The following CLNK variants were observed in gnomAD, a reference collection of about 807,000 sequenced individuals.
CLNK encodes cytokine dependent hematopoietic cell linker.
Under a neutral mutation model 68.6 loss-of-function variants are expected in CLNK, and 74 were observed. The observed-to-expected ratio is 1.08, with a 90% CI of 0.89 to 1.31. The LOEUF (loss-of-function observed/expected upper bound fraction) is 1.31. Among genes scored for constraint, CLNK ranks in the 50% most tolerant of loss-of-function variants. The probability of loss-of-function intolerance (pLI) is 0.00; values close to 1 mark genes in which losing one functional copy is unlikely to be tolerated. For synonymous variants in CLNK, 198 were observed against 172.2 expected (o/e 1.15, Z -1.17); for missense variants, 553 against 515.3 (o/e 1.07, Z -0.71).
intron 3 of CLNK, among the ~76,000 whole-genome samples, chr4:10,593,045 G>T (rs1721239773): frequency 6.6e-6 from 1 of 152,052 alleles, no homozygotes; most frequent in Non-Finnish European, 1.5e-5. Context: ...TACGCTGTAG[G>T]AGCCCTTTGA....
chr4:10,669,618 G>T (rs1366374304), intron 1 of CLNK, among the ~76,000 whole-genome samples: 1 of 152,192 alleles, frequency 6.6e-6, no homozygotes. Context: ...GATGATCAAG[G>T]ATCATGCATG....
chr4:10,572,129 A>G (rs1720378239), intron 4 of CLNK, among the ~76,000 whole-genome samples: 1 of 152,244 alleles, frequency 6.6e-6, no homozygotes, highest in Admixed American at 6.5e-5. Context: ...AGTCAGCAGC[A>G]GCTCAGCTAA....
chr4:10,598,066 T>C lies in CLNK; in HGVS notation c.12-17A>G, dbSNP rs754483954. The C allele has an allele frequency of 3.9e-6, 6 of 1,532,732 alleles. No individual in the cohort carries two copies. In the East Asian group the frequency reaches 1.2e-4, roughly 30 times the overall value. The allele number at this position is 1,532,732 out of a possible 1,614,324, so 94.9% of individuals were successfully genotyped here. ...CTATTGCCCCTGGGATGAAAGAAAA[T>C]AAATTATAGCTGGGAAATAGCAAGA... On this transcript the variant is annotated splice_polypyrimidine_tract_variant and intron_variant, in intron 2 of 18. Coordinates refer to ENST00000226951, the MANE Select transcript of CLNK (RefSeq NM_052964.4).
chr4:10,691,533 T>C, the CLNK span, among the ~76,000 whole-genome samples: 1 of 152,130 alleles, frequency 6.6e-6, no homozygotes, highest in Non-Finnish European at 1.5e-5. Flanking sequence ...ATGGCATCCA[T>C]TGCTAGCAAT....
chr4:10,551,518 C>T (rs1719456255), intron 8 of CLNK, among the ~76,000 whole-genome samples: 1 of 152,124 alleles, frequency 6.6e-6, no homozygotes, highest in African/African-American at 2.4e-5. Context: ...ATCCACTGGC[C>T]TCAGCCTCCA....
At chr4:10,680,936 A>T (rs933147800) in intron 1 of CLNK, among the ~76,000 whole-genome samples, 6 of 152,120 alleles carry the variant, frequency 3.9e-5, no homozygotes, top group African/African-American at 1.4e-4. Flanking sequence ...GTCCAGACAG[A>T]TAAAGCTGAT....
chr4:10,687,169 A>G (rs73810393), upstream of CLNK, among the ~76,000 whole-genome samples: 2,950 of 151,782 alleles, frequency 0.019, 89 homozygotes, highest in African/African-American at 0.063. Flanking sequence ...ACCTACTACT[A>G]TCAGCCACTG....
chr4:10,546,599 T>C (rs1719241228), intron 8 of CLNK, among the ~76,000 whole-genome samples: 1 of 152,218 alleles, frequency 6.6e-6, no homozygotes, highest in South Asian at 2.1e-4. Context: ...TCTTGTCTTC[T>C]AAGCTTTCGC....
chr4:10,526,309 A>C (rs1718317125), intron 13 of CLNK, among the ~76,000 whole-genome samples: 2 of 152,186 alleles, frequency 1.3e-5, no homozygotes, highest in Non-Finnish European at 2.9e-5. Context: ...CTACTATGGG[A>C]CAAGTACTCT....
chr4:10,512,747 A>C (rs747313637), intron 16 of CLNK, among the ~76,000 whole-genome samples: 37 of 151,818 alleles, frequency 2.4e-4, no homozygotes, highest in Non-Finnish European at 4.4e-4. Context: ...GACCTGGAAG[A>C]GGCACATCCT....
At position 10,667,903 on chromosome 4, in the gene CLNK, C is replaced by T; in HGVS notation, c.-34G>A. On this transcript the variant is annotated 5_prime_UTR_variant, in exon 2 of 19. Coordinates refer to ENST00000226951, the MANE Select transcript of CLNK (RefSeq NM_052964.4). ...GCACCTGGCGGGTAAGAGGGATCTT[C>T]AATTCAGCCTGTGGAAACAAAAGCA... 2 of 1,570,030 alleles carry T rather than the reference C, an allele frequency of 1.3e-6. No homozygotes were observed. The highest frequency in any genetic ancestry group is 1.7e-6 in the Non-Finnish European group (2 of 1,153,648).
intron 2 of CLNK, among the ~76,000 whole-genome samples, chr4:10,626,350 T>G (rs1481821529): frequency 6.6e-6 from 1 of 152,232 alleles, no homozygotes; most frequent in East Asian, 1.9e-4. Flanking sequence ...TCTTGCTTCT[T>G]TTTATTTCGT....
At chr4:10,700,172 G>A in the CLNK span, among the ~76,000 whole-genome samples, 1 of 152,116 alleles carries the variant, frequency 6.6e-6, no homozygotes, top group Non-Finnish European at 1.5e-5. Flanking sequence ...ATGAGATGAA[G>A]AAGATGCTGA....
At chr4:10,553,853 A>T (rs1357850794) in intron 8 of CLNK, among the ~76,000 whole-genome samples, 1 of 152,228 alleles carries the variant, frequency 6.6e-6, no homozygotes, top group Non-Finnish European at 1.5e-5. Flanking sequence ...TCTTACAGCA[A>T]GGACCAATGG....
the CLNK span, among the ~76,000 whole-genome samples, chr4:10,694,322 C>A: frequency 6.6e-6 from 1 of 151,812 alleles, no homozygotes; most frequent in Non-Finnish European, 1.5e-5. Context: ...AGGTAAGGAA[C>A]AAGGGCACTC....
At chr4:10,690,896 G>A in the CLNK span, among the ~76,000 whole-genome samples, 1 of 139,054 alleles carries the variant, frequency 7.2e-6, no homozygotes, top group Non-Finnish European at 1.7e-5. Context: ...AGAGGCTACT[G>A]TACCTGGTGA....
intron 17 of CLNK, among the ~76,000 whole-genome samples, chr4:10,505,721 C>T (rs1314519637): frequency 6.6e-6 from 1 of 152,116 alleles, no homozygotes; most frequent in African/African-American, 2.4e-5. Context: ...TTACAAGGAC[C>T]TTTGTGATTA....
intron 7 of CLNK, among the ~76,000 whole-genome samples, chr4:10,562,114 T>TC (rs1719916009): frequency 6.7e-6 from 1 of 149,672 alleles, no homozygotes; most frequent in Non-Finnish European, 1.5e-5. Flanking sequence ...TTTTTTTTTT[T>TC]TTTTGAGACA....
At chr4:10,614,993 C>G (rs1722172266) in intron 2 of CLNK, among the ~76,000 whole-genome samples, 2 of 151,928 alleles carry the variant, frequency 1.3e-5, no homozygotes, top group Admixed American at 1.3e-4. Context: ...CGAGACCAGC[C>G]TGGCCAACAT....
Sources: gnomAD v4.1 joint callset for allele counts (sites outside exome capture counted in the v4.1 genomes callset) on GRCh38, gnomAD v4.1.1 for gene constraint, MANE v1.5 for transcripts, NCBI Gene and HGNC (gene_info 2026-07-23, HGNC 2026-07-21) for gene names.